ATL2: variants seen among roughly 807,000 people sequenced by gnomAD.
ATL2 encodes the protein atlastin GTPase 2.
ATL2 carries 31 observed loss-of-function variants against 73.9 expected under a neutral mutation model. The ratio of observed to expected loss-of-function variants is 0.42; its 90% CI spans 0.32 to 0.57. ATL2 has a LOEUF of 0.57. ATL2 is among the 20% of genes least tolerant of loss of function. The pLI is 0.14. For missense variants in ATL2, 738 were observed against 702.6 expected (o/e 1.05, Z -0.57); for synonymous variants, 291 against 237.5 (o/e 1.23, Z -2.07).
chr2:38,353,494 G>T (rs1386779258), intron 1 of ATL2, among the ~76,000 whole-genome samples: 2 of 152,150 alleles, frequency 1.3e-5, no homozygotes, highest in Non-Finnish European at 2.9e-5. Flanking sequence ...ATCCCAGAAG[G>T]AGAACAAAGT....
intron 2 of ATL2, among the ~76,000 whole-genome samples, chr2:38,328,685 T>C (rs1191493059): frequency 6.6e-6 from 1 of 151,978 alleles, no homozygotes; most frequent in Non-Finnish European, 1.5e-5. Flanking sequence ...AAAACCATGA[T>C]TACAGAATTT....
chr2:38,298,650 A>C, intron 11 of ATL2, 75 bp from the exon 12 acceptor site: 1 of 1,460,902 alleles, frequency 6.8e-7, no homozygotes, highest in South Asian at 1.4e-5. Flanking sequence ...CATAGTTTTT[A>C]GTCTCAGAAA....
chr2:38,303,027 A>G (rs1431043655), intron 9 of ATL2, among the ~76,000 whole-genome samples: 2 of 152,234 alleles, frequency 1.3e-5, no homozygotes, highest in Non-Finnish European at 2.9e-5. Context: ...CTGACCTTTC[A>G]GAGAATTCAA....
chr2:38,341,585 TAA>T (rs1669722119), intron 2 of ATL2, among the ~76,000 whole-genome samples: 1 of 152,136 alleles, frequency 6.6e-6, no homozygotes, highest in Admixed American at 6.5e-5. Context: ...TGCAGTCTAC[TAA>T]ACTGACACTA....
intron 1 of ATL2, chr2:38,376,604 G>T (rs1481268380): frequency 6.5e-6 from 1 of 154,562 alleles, no homozygotes; most frequent in Non-Finnish European, 1.4e-5. Context: ...GGGTGTCTAA[G>T]GAGCTTTCGG....
At chr2:38,351,400 A>G (rs1163862016) in intron 1 of ATL2, among the ~76,000 whole-genome samples, 4 of 152,178 alleles carry the variant, frequency 2.6e-5, no homozygotes, top group African/African-American at 4.8e-5. Flanking sequence ...TCAAAACTGG[A>G]AAGTGGCCGA....
chr2:38,300,441 C>T (rs1667128080), intron 9 of ATL2, 113 bp from the exon 10 acceptor site: 1 of 678,684 alleles, frequency 1.5e-6, no homozygotes, highest in Admixed American at 2.6e-5. Context: ...AAAGTAAATT[C>T]TAGGCTTTAA....
intron 2 of ATL2, among the ~76,000 whole-genome samples, chr2:38,329,533 G>A (rs917119392): frequency 3.4e-5 from 5 of 145,758 alleles, no homozygotes; most frequent in Non-Finnish European, 7.5e-5. Context: ...ATTTAAGGAA[G>A]AAATGGTAGC....
At chr2:38,348,146 T>A (rs1286967446) in intron 1 of ATL2, among the ~76,000 whole-genome samples, 1 of 152,024 alleles carries the variant, frequency 6.6e-6, no homozygotes, top group East Asian at 1.9e-4. Flanking sequence ...GAGTATTAAG[T>A]ATACGTAACA....
intron 1 of ATL2, among the ~76,000 whole-genome samples, chr2:38,350,198 TAAGAC>T (rs1303701911): frequency 6.6e-6 from 1 of 152,216 alleles, no homozygotes; most frequent in Non-Finnish European, 1.5e-5. Context: ...AAAAATTTAC[TAAGAC>T]AAGTAGATTT....
At chr2:38,296,696 C>T in intron 12 of ATL2, 1 of 1,557,036 alleles carries the variant, frequency 6.4e-7, no homozygotes, top group Non-Finnish European at 8.7e-7. Flanking sequence ...CTTCCTGGGA[C>T]TCCTCTGAAG....
chr2:38,370,299 A>C (rs1004789378), intron 1 of ATL2, among the ~76,000 whole-genome samples: 3 of 148,270 alleles, frequency 2.0e-5, no homozygotes, highest in African/African-American at 5.0e-5. Flanking sequence ...AAATACAAAA[A>C]TTAGCCGGGC....
intron 2 of ATL2, among the ~76,000 whole-genome samples, chr2:38,334,902 T>TTTATAATATATATTTATATA (rs1669243015): frequency 1.5e-5 from 1 of 65,320 alleles, no homozygotes; most frequent in African/African-American, 4.9e-5. Context: ...ATATATATTA[T>TTTATAATATATATTTATATA]TTATAATATA....
At chr2:38,329,861 G>C (rs866044773) in intron 2 of ATL2, among the ~76,000 whole-genome samples, 10 of 152,168 alleles carry the variant, frequency 6.6e-5, no homozygotes, top group East Asian at 3.8e-4. Flanking sequence ...GGGCATGGTG[G>C]CTCACGCCTG....
chr2:38,373,934 C>T (rs1244603956), intron 1 of ATL2, among the ~76,000 whole-genome samples: 3 of 152,178 alleles, frequency 2.0e-5, no homozygotes, highest in African/African-American at 7.2e-5. Flanking sequence ...TCTTGTTGCC[C>T]AGGCTGGAGT....
At chr2:38,301,426 G>A (rs1667185883) in intron 9 of ATL2, among the ~76,000 whole-genome samples, 1 of 152,200 alleles carries the variant, frequency 6.6e-6, no homozygotes, top group Non-Finnish European at 1.5e-5. Flanking sequence ...AAAATCAGGT[G>A]AGCAATCACA....
At chr2:38,358,518 G>A (rs910212239) in intron 1 of ATL2, 14 of 294,564 alleles carry the variant, frequency 4.8e-5, no homozygotes, top group Non-Finnish European at 7.2e-5. Flanking sequence ...GGGAAACCCC[G>A]TCTCTATTAA....
chr2:38,347,049 T>A (rs1670055111), intron 1 of ATL2, among the ~76,000 whole-genome samples: 1 of 152,174 alleles, frequency 6.6e-6, no homozygotes, highest in South Asian at 2.1e-4. Context: ...TCCCCAAATT[T>A]TAATCTATCA....
intron 10 of ATL2, 64 bp downstream of exon 10, chr2:38,300,206 CAA>C: frequency 7.3e-7 from 1 of 1,378,422 alleles, no homozygotes. Context: ...CTCTCTAAAG[CAA>C]AGATTTTTAT....
Sources: gnomAD v4.1 joint callset for allele counts (sites outside exome capture counted in the v4.1 genomes callset) on GRCh38, gnomAD v4.1.1 for gene constraint, MANE v1.5 for transcripts, NCBI Gene and HGNC (gene_info 2026-07-23, HGNC 2026-07-21) for gene names.